CATSPERB: variants seen among roughly 807,000 people sequenced by gnomAD.
The protein encoded by CATSPERB is cation channel sperm-associated auxiliary subunit beta.
A neutral mutation model predicts 128.3 loss-of-function variants in CATSPERB; 93 were observed. That is an observed-to-expected ratio of 0.72 (90% CI 0.61 to 0.86). The LOEUF (loss-of-function observed/expected upper bound fraction) is 0.86. CATSPERB is among the 40% of genes least tolerant of loss of function. The pLI, the probability that CATSPERB is intolerant of heterozygous loss-of-function variation, is 0.00. For missense variants in CATSPERB, 1,153 were observed against 1,329.5 expected (o/e 0.87, Z 2.06); for synonymous variants, 381 against 448.8 (o/e 0.85, Z 1.91).
chr14:91,723,017 A>G (rs1032539139), intron 4 of CATSPERB, 32 bp downstream of exon 4: 4 of 1,436,670 alleles, frequency 2.8e-6, no homozygotes, highest in Non-Finnish European at 3.7e-6. Context: ...CTTGTTAATA[A>G]CATATCACAG....
At chr14:91,689,393 C>A (rs374694574) in intron 10 of CATSPERB, among the ~76,000 whole-genome samples, 10 of 152,202 alleles carry the variant, frequency 6.6e-5, no homozygotes, top group African/African-American at 1.9e-4. Context: ...TCCCAGTGAG[C>A]CCAGCTGTCC....
intron 14 of CATSPERB, among the ~76,000 whole-genome samples, chr14:91,662,214 C>A (rs1274330900): frequency 6.6e-6 from 1 of 152,030 alleles, no homozygotes; most frequent in East Asian, 1.9e-4. Flanking sequence ...TTTTTTCATT[C>A]CCTTGGTATT....
At position 91,580,973 on chromosome 14, in the gene CATSPERB, G is replaced by C. The variant is rs371826654; in HGVS notation, c.3267C>G (p.Phe1089Leu). ...CTTGGTTTCTTCTAATCCATCTTTG[G>C]AATGTCCTCCACGGATGGATGCCTT... is the stretch of plus-strand genomic sequence containing the variant. ...QLQGIHPWRT[F>L]QRWIRRNQEK... Residue 1089 changes from phenylalanine (F) to leucine (L), a missense_variant, in exon 27 of 27, where the codon TTC (phenylalanine) becomes TTG (leucine). By Grantham distance (22) the Phe-to-Leu change is conservative. Transcript: ENST00000256343. The C allele has an allele frequency of 6.2e-7, 1 of 1,614,056 alleles. No homozygotes were observed. Among genetic ancestry groups the C allele is most frequent in the African/African-American group, 1.3e-5 (1 of 74,918 alleles).
At chr14:91,675,794 C>T (rs1456356637) in intron 11 of CATSPERB, among the ~76,000 whole-genome samples, 1 of 152,144 alleles carries the variant, frequency 6.6e-6, no homozygotes, top group Non-Finnish European at 1.5e-5. Context: ...TGAAGTAGAA[C>T]AGCTTTTGTC....
In CATSPERB at chr14:91,587,272, G is replaced by A. The variant is rs1893319828; in HGVS notation, c.3062C>T (p.Ser1021Phe). The change falls in exon 26 of 27, where the codon TCT (serine) becomes TTT (phenylalanine). Residue 1021 changes from serine to phenylalanine, a missense_variant. Coordinates refer to ENST00000256343, the MANE Select transcript of CATSPERB (RefSeq NM_024764.4). ...GGTCACTCTAAAGTGGAAAAGTTCA[G>A]AGCCCTGTGGAAAAAAGCACACCCA... ...PSGLNLSIKGSELFHFRVTVI... is the reference protein window; with the variant it reads ...PSGLNLSIKGFELFHFRVTVI... The A allele has an allele frequency of 6.2e-7, 1 of 1,602,610 alleles. No individual in the cohort carries two copies. The highest frequency in any genetic ancestry group is 1.7e-5 in the Admixed American group (1 of 57,462).
In CATSPERB at chr14:91,669,672, T is replaced by C; in HGVS notation, c.1287+142A>G. 7.6e-6 allele frequency: 6 copies of C among 784,442 alleles called. No homozygotes were observed. In the South Asian group the frequency reaches 1.2e-4, roughly 15 times the overall value. 48.6% of individuals were successfully genotyped at this position (784,442 alleles called of 1,614,324 possible). A position where few individuals can be genotyped will look rare whatever the true frequency, so the allele number is the denominator to read the frequency against. On this transcript the variant is annotated intron_variant, in intron 14 of 26. Coordinates refer to ENST00000256343, the MANE Select transcript of CATSPERB (RefSeq NM_024764.4). ...AATGGACACCAAGCTTAGTATACAA[T>C]AAATAGTCAATAAATATTGTCTTCC...
chr14:91,716,064 G>C (rs562381492), intron 5 of CATSPERB, among the ~76,000 whole-genome samples: 1 of 152,106 alleles, frequency 6.6e-6, no homozygotes, highest in Non-Finnish European at 1.5e-5. Flanking sequence ...AAAATAAAAA[G>C]CTGATAAATT....
At chr14:91,612,053 TTTCTTTCTTTCTTC>T (rs1893841718) in intron 20 of CATSPERB, among the ~76,000 whole-genome samples, 1 of 117,862 alleles carries the variant, frequency 8.5e-6, no homozygotes, top group Non-Finnish European at 1.8e-5. Flanking sequence ...TCTTTCTTTC[TTTCTTTCTTTCTTC>T]CTTTTTTTAA....
intron 5 of CATSPERB, among the ~76,000 whole-genome samples, chr14:91,711,122 T>C (rs942510972): frequency 2.0e-5 from 3 of 152,254 alleles, no homozygotes; most frequent in Admixed American, 6.5e-5. Flanking sequence ...CTTCCTCATA[T>C]GCATATCTCC....
intron 22 of CATSPERB, among the ~76,000 whole-genome samples, chr14:91,596,907 G>C (rs1343336211): frequency 6.7e-6 from 1 of 148,934 alleles, no homozygotes; most frequent in African/African-American, 2.5e-5. Flanking sequence ...TTTTTTTTGA[G>C]ACAGAGTCTC....
chr14:91,614,839 AT>A (rs1188595600), intron 20 of CATSPERB, among the ~76,000 whole-genome samples: 9 of 151,992 alleles, frequency 5.9e-5, no homozygotes, highest in African/African-American at 1.2e-4. Flanking sequence ...AATTAAGCAT[AT>A]TTTTTTCCTT....
chr14:91,586,546 G>GGACAGAGA lies in CATSPERB; in HGVS notation c.3132+655_3132+656insTCTCTGTC, dbSNP rs1555358762. ...CTGGCCTTAGAGCTGGGCCGGAACA[G>GGACAGAGA]GAGAGAGAGAGAGAGAGAGAGAGAA... On this transcript the variant is annotated intron_variant, in intron 26 of 26. Transcript: ENST00000256343. Among the ~76,000 whole-genome samples, 55 of 117,920 alleles carry GGACAGAGA rather than the reference G, an allele frequency of 4.7e-4. 1 individual carries two copies. The highest frequency in any genetic ancestry group is 8.0e-4 in the Non-Finnish European group (46 of 57,750). 77.4% of individuals were successfully genotyped at this position (117,920 alleles called of 152,430 possible). A position where few individuals can be genotyped will look rare whatever the true frequency, so the allele number is the denominator to read the frequency against.
At chr14:91,717,233 T>TG (rs1472258688) in intron 5 of CATSPERB, among the ~76,000 whole-genome samples, 1 of 152,300 alleles carries the variant, frequency 6.6e-6, no homozygotes, top group African/African-American at 2.4e-5. Context: ...GGGTTGATTA[T>TG]GGGTGGAGTG....
At chr14:91,646,499 A>G (rs1203432941) in intron 15 of CATSPERB, among the ~76,000 whole-genome samples, 3 of 152,094 alleles carry the variant, frequency 2.0e-5, no homozygotes, top group Admixed American at 1.3e-4. Context: ...CTCCTCATCA[A>G]AACTCTCCAT....
chr14:91,645,759 T>C (rs1251067400), intron 15 of CATSPERB, among the ~76,000 whole-genome samples: 1 of 146,460 alleles, frequency 6.8e-6, no homozygotes. Flanking sequence ...CCCGGCTGCT[T>C]TGTTTACCTA....
chr14:91,595,541 C>G (rs1172116856), intron 22 of CATSPERB, among the ~76,000 whole-genome samples: 2 of 152,110 alleles, frequency 1.3e-5, no homozygotes, highest in Non-Finnish European at 2.9e-5. Flanking sequence ...TGTGAATTTC[C>G]TCTCCTCTTG....
intron 17 of CATSPERB, among the ~76,000 whole-genome samples, chr14:91,634,527 G>A (rs908511915): frequency 6.6e-6 from 1 of 151,318 alleles, no homozygotes; most frequent in African/African-American, 2.4e-5. Flanking sequence ...CTACCCAAAG[G>A]AAAAGAAGTC....
chr14:91,644,381 C>T (rs796078760), intron 15 of CATSPERB, among the ~76,000 whole-genome samples: 42,157 of 146,080 alleles, frequency 0.29, 6,170 homozygotes, highest in Middle Eastern at 0.33. Context: ...GCGCTTCCTT[C>T]AGGAGCTCTT....
intron 15 of CATSPERB, among the ~76,000 whole-genome samples, chr14:91,648,351 G>T (rs1894642507): frequency 6.6e-6 from 1 of 152,078 alleles, no homozygotes; most frequent in South Asian, 2.1e-4. Flanking sequence ...TACCTGCTTG[G>T]TCTTATCATC....
Sources: allele counts gnomAD v4.1 joint callset (sites outside exome capture counted in the v4.1 genomes callset), GRCh38; gene constraint gnomAD v4.1.1; transcripts MANE v1.5; gene names NCBI Gene and HGNC (gene_info 2026-07-23, HGNC 2026-07-21).